CHN1: variants seen among roughly 807,000 people sequenced by gnomAD.
CHN1 encodes chimerin 1, also known as N-chimaerin.
A neutral mutation model predicts 59.5 loss-of-function variants in CHN1; 37 were observed. That is an observed-to-expected ratio of 0.62 (90% CI 0.48 to 0.82). CHN1 has a LOEUF of 0.82. CHN1 is among the 40% of genes least tolerant of loss of function. The probability of loss-of-function intolerance (pLI) is 0.00; values close to 1 mark genes in which losing one functional copy is unlikely to be tolerated. For missense variants in CHN1, 469 were observed against 571.0 expected, an observed-to-expected ratio of 0.82 and a Z score of 1.82; for synonymous variants, 206 against 200.4, an observed-to-expected ratio of 1.03 and a Z score of -0.24.
intron 3 of CHN1, among the ~76,000 whole-genome samples, chr2:174,935,127 A>C (rs1463204017): frequency 6.6e-6 from 1 of 152,140 alleles, no homozygotes; most frequent in Non-Finnish European, 1.5e-5. Flanking sequence ...CTTATCTTTT[A>C]CCACTCTCCC....
intron 6 of CHN1, among the ~76,000 whole-genome samples, chr2:174,856,364 C>T (rs1040078926): frequency 6.6e-6 from 1 of 152,134 alleles, no homozygotes; most frequent in African/African-American, 2.4e-5. Flanking sequence ...CAATAAGGCA[C>T]ATCAGTGCAT....
chr2:174,962,577 C>G (rs1690445943), intron 1 of CHN1, among the ~76,000 whole-genome samples: 1 of 148,076 alleles, frequency 6.8e-6, no homozygotes, highest in Non-Finnish European at 1.5e-5. Flanking sequence ...TAACCTATGA[C>G]TTAAGAATAG....
chr2:174,889,513 A>G (rs552659106), intron 5 of CHN1, among the ~76,000 whole-genome samples: 1 of 152,286 alleles, frequency 6.6e-6, no homozygotes, highest in Non-Finnish European at 1.5e-5. Flanking sequence ...ATGACAAAAT[A>G]AAATCAACAA....
intron 1 of CHN1, among the ~76,000 whole-genome samples, chr2:174,972,943 A>C (rs1407369595): frequency 2.0e-5 from 3 of 152,178 alleles, no homozygotes; most frequent in African/African-American, 7.2e-5. Context: ...TCCTAATATA[A>C]TCACTGATAT....
At chr2:174,851,798 G>C (rs115665090) in intron 6 of CHN1, among the ~76,000 whole-genome samples, 932 of 152,292 alleles carry the variant, frequency 6.1e-3, no homozygotes, top group Middle Eastern at 0.017. Flanking sequence ...AGGAAAAGAA[G>C]AAGTCAAACT....
intron 1 of CHN1, among the ~76,000 whole-genome samples, chr2:174,997,211 C>T (rs765654856): frequency 6.6e-6 from 1 of 152,144 alleles, no homozygotes; most frequent in Admixed American, 6.6e-5. Context: ...TAGAACAGTA[C>T]TCATCTAGTT....
intron 8 of CHN1, among the ~76,000 whole-genome samples, chr2:174,815,467 C>T (rs138600278): frequency 6.6e-6 from 1 of 152,152 alleles, no homozygotes; most frequent in African/African-American, 2.4e-5. Context: ...TTCATCTTCA[C>T]TCTGTCATGT....
intron 1 of CHN1, among the ~76,000 whole-genome samples, chr2:174,978,022 T>C (rs1213444735): frequency 6.6e-6 from 1 of 152,218 alleles, no homozygotes; most frequent in Non-Finnish European, 1.5e-5. Context: ...AATGTCAAAG[T>C]ATATAAAGAT....
At chr2:174,955,170 CTATA>C (rs1225170118) in intron 1 of CHN1, among the ~76,000 whole-genome samples, 1 of 41,240 alleles carries the variant, frequency 2.4e-5, no homozygotes, top group Admixed American at 4.1e-4. Flanking sequence ...CTATATATCT[CTATA>C]TATCTATATC....
At chr2:174,856,391 T>C (rs1004613685) in intron 6 of CHN1, among the ~76,000 whole-genome samples, 12 of 152,152 alleles carry the variant, frequency 7.9e-5, no homozygotes, top group Non-Finnish European at 1.8e-4. Flanking sequence ...CCGTATATAA[T>C]AAATTTAAAT....
At chr2:174,975,948 C>T (rs935423244) in intron 1 of CHN1, among the ~76,000 whole-genome samples, 5 of 145,294 alleles carry the variant, frequency 3.4e-5, no homozygotes, top group Non-Finnish European at 6.0e-5. Context: ...GGTGAAACCC[C>T]GTCTCTGCTA....
intron 7 of CHN1, among the ~76,000 whole-genome samples, chr2:174,836,793 T>C (rs1686096748): frequency 6.6e-6 from 1 of 152,198 alleles, no homozygotes; most frequent in Non-Finnish European, 1.5e-5. Context: ...GAGCTACTGG[T>C]GCAGAGATGA....
At chr2:174,981,431 TA>T (rs11308942) in intron 1 of CHN1, among the ~76,000 whole-genome samples, 4,126 of 152,260 alleles carry the variant, frequency 0.027, 216 homozygotes, top group African/African-American at 0.094. Flanking sequence ...TTTGAGACAG[TA>T]AAAGATGCTA....
chr2:174,934,774 T>G (rs1271616505), intron 3 of CHN1, among the ~76,000 whole-genome samples: 3 of 152,216 alleles, frequency 2.0e-5, no homozygotes, highest in Admixed American at 2.0e-4. Context: ...GACTGGTTCC[T>G]GAAAATCTAC....
intron 3 of CHN1, among the ~76,000 whole-genome samples, chr2:174,942,274 G>A (rs1041498716): frequency 3.3e-5 from 5 of 152,024 alleles, no homozygotes; most frequent in African/African-American, 1.2e-4. Context: ...TCCATCAACA[G>A]ACAAATGGAT....
intron 1 of CHN1, among the ~76,000 whole-genome samples, chr2:174,997,708 G>C (rs1252452772): frequency 1.3e-5 from 2 of 152,062 alleles, no homozygotes; most frequent in African/African-American, 4.8e-5. Flanking sequence ...AGCCATTAAA[G>C]AACAGAAAAC....
chr2:174,898,559 G>A (rs1558972754), intron 5 of CHN1, among the ~76,000 whole-genome samples: 2 of 152,018 alleles, frequency 1.3e-5, no homozygotes, highest in Admixed American at 6.6e-5. Flanking sequence ...ACCCAAGATC[G>A]CGCCACTGCA....
intron 1 of CHN1, among the ~76,000 whole-genome samples, chr2:174,956,713 A>C (rs2105419458): frequency 6.6e-6 from 1 of 151,610 alleles, no homozygotes; most frequent in Non-Finnish European, 1.5e-5. Context: ...CAGAGGCTGC[A>C]GTGAGCTGAG....
intron 1 of CHN1, 60 bp downstream of exon 1, chr2:175,004,834 C>T (rs1312768811): frequency 4.4e-5 from 53 of 1,216,016 alleles, no homozygotes; most frequent in Non-Finnish European, 5.6e-5. Context: ...CCCAGGCCCC[C>T]GCCCCCGAGC....
Sources: gnomAD v4.1 joint callset for allele counts (sites outside exome capture counted in the v4.1 genomes callset) on GRCh38, gnomAD v4.1.1 for gene constraint, MANE v1.5 for transcripts, NCBI Gene and HGNC (gene_info 2026-07-23, HGNC 2026-07-21) for gene names.